The following KCTD1 variants were observed in gnomAD, a reference collection of about 807,000 sequenced individuals.
The protein encoded by KCTD1 is BTB/POZ domain-containing protein KCTD1.
KCTD1 carries 24 observed loss-of-function variants against 66.0 expected under a neutral mutation model. The observed-to-expected ratio is 0.36, with a 90% confidence interval of 0.26 to 0.51. The LOEUF (loss-of-function observed/expected upper bound fraction) is 0.51, where lower values mean the gene tolerates loss of function less well. KCTD1 is among the 20% of genes least tolerant of loss of function. KCTD1 has a pLI of 0.95. For missense variants in KCTD1, 943 were observed against 1,205.2 expected, an observed-to-expected ratio of 0.78 and a Z score of 3.22; for synonymous variants, 511 against 517.2, an observed-to-expected ratio of 0.99 and a Z score of 0.16.
intron 1 of KCTD1, among the ~76,000 whole-genome samples, chr18:26,557,014 C>T (rs1437353701): frequency 6.6e-6 from 1 of 152,168 alleles, no homozygotes; most frequent in African/African-American, 2.4e-5. Flanking sequence ...TGCTAAGAGA[C>T]AGGAAGGAAA....
Position 26,657,203 on chromosome 18 carries a change from A to T in KCTD1, c.9+157T>A, listed in dbSNP as rs1988175426. 6.6e-5 allele frequency among the ~76,000 whole-genome samples: 10 copies of T among 150,946 alleles called. No homozygotes were observed. In the South Asian group the frequency reaches 2.1e-3, roughly 32 times the overall value. On this transcript the variant is annotated intron_variant, in intron 1 of 4. Transcript: ENST00000580191. ...CGGCCCCTGCCCCGCCGCGGGTCCA[A>T]GCGGATTCCTAGTCGCCCGCCGCGG... is the stretch of plus-strand genomic sequence containing the variant.
intron 1 of KCTD1, among the ~76,000 whole-genome samples, chr18:26,517,699 A>C (rs1983725453): frequency 6.8e-6 from 1 of 147,098 alleles, no homozygotes. Flanking sequence ...GTTTCCCTGC[A>C]CAAGCTATCC....
rs141699243 is a variant in KCTD1, at chr18:26,611,332, TTTTGTTTGTTTG to T, written c.-16+17803_-16+17814del. Among the ~76,000 whole-genome samples, 470 of 150,570 alleles carry T rather than the reference TTTTGTTTGTTTG, an allele frequency of 3.1e-3. 2 individuals carry two copies. Among genetic ancestry groups the T allele is most frequent in the African/African-American group, 0.011 (445 of 40,874 alleles). ...ATGGAATACAATTATAGTAACTGGG[TTTTGTTTGTTTG>T]TTTGTTTGTTTGTTTGTTTGTTTTG... On this transcript the variant is annotated intron_variant, in intron 1 of 4. Coordinates refer to the KCTD1 transcript ENST00000317932.
chr18:26,582,806 T>TG (rs1986385536), intron 1 of KCTD1, among the ~76,000 whole-genome samples: 1 of 86,236 alleles, frequency 1.2e-5, no homozygotes, highest in African/African-American at 4.1e-5. Flanking sequence ...CACCATTTGG[T>TG]TTTTTTTTTT....
chr18:26,640,601 T>G (rs1987814871), upstream of KCTD1, among the ~76,000 whole-genome samples: 1 of 151,688 alleles, frequency 6.6e-6, no homozygotes, highest in African/African-American at 2.4e-5. Flanking sequence ...CCAGGAGGGA[T>G]TGAGGGAAAG....
chr18:26,549,673 C>T, upstream of KCTD1: 3 of 974,160 alleles, frequency 3.1e-6, no homozygotes, highest in Non-Finnish European at 3.7e-6. Context: ...ACTTGTGTCT[C>T]GGCCGACCCT....
At chr18:26,605,427 T>C in intron 1 of KCTD1, among the ~76,000 whole-genome samples, 1 of 152,200 alleles carries the variant, frequency 6.6e-6, no homozygotes, top group Non-Finnish European at 1.5e-5. Context: ...GTACTGTAGC[T>C]TCTTAACTGT....
chr18:26,602,080 G>T (rs1490847899), intron 1 of KCTD1, among the ~76,000 whole-genome samples: 1 of 152,150 alleles, frequency 6.6e-6, no homozygotes, highest in Non-Finnish European at 1.5e-5. Context: ...GACTTTAGGG[G>T]AAATGGCTAG....
intron 1 of KCTD1, among the ~76,000 whole-genome samples, chr18:26,514,887 T>A (rs1416899725): frequency 6.6e-6 from 1 of 152,226 alleles, no homozygotes; most frequent in Non-Finnish European, 1.5e-5. Flanking sequence ...GGATAGTGGT[T>A]GATGAAACTT....
upstream of KCTD1, among the ~76,000 whole-genome samples, chr18:26,550,479 G>A (rs574016646): frequency 6.6e-5 from 10 of 152,018 alleles, no homozygotes; most frequent in East Asian, 1.2e-3. This position sits in a 1 kb window ranked among gnomAD's most constrained non-coding sequence, Gnocchi z 5.4. Context: ...GAGCTTCGGG[G>A]AAACCGCGCC....
intron 1 of KCTD1, among the ~76,000 whole-genome samples, chr18:26,651,705 G>A (rs1333250143): frequency 2.7e-5 from 4 of 149,844 alleles, no homozygotes; most frequent in Non-Finnish European, 4.4e-5. Context: ...AATCGCTTGA[G>A]CCTAGGAGGG....
chr18:26,535,027 CA>C (rs1417375606), intron 1 of KCTD1, among the ~76,000 whole-genome samples: 13 of 147,204 alleles, frequency 8.8e-5, no homozygotes, highest in Admixed American at 4.3e-4. Flanking sequence ...GACTCCAAGA[CA>C]GCAGAATCTT....
intron 1 of KCTD1, among the ~76,000 whole-genome samples, chr18:26,593,748 C>T (rs1380380538): frequency 2.2e-4 from 17 of 78,088 alleles, no homozygotes; most frequent in South Asian, 4.1e-4. Flanking sequence ...AGGAGGAAGA[C>T]AAGGGGCAGG....
intron 1 of KCTD1, among the ~76,000 whole-genome samples, chr18:26,656,315 G>GCCGCCC (rs1988138188): frequency 1.3e-5 from 2 of 152,310 alleles, no homozygotes; most frequent in Admixed American, 6.5e-5. Flanking sequence ...CCGTCCCAGC[G>GCCGCCC]CCGCCCCCAC....
intron 3 of KCTD1, among the ~76,000 whole-genome samples, chr18:26,466,420 A>C (rs1221857238): frequency 1.3e-5 from 2 of 152,098 alleles, no homozygotes; most frequent in Non-Finnish European, 2.9e-5. Flanking sequence ...ACTCCCTTTA[A>C]CTTTTCCTTA....
chr18:26,480,795 T>G (rs1981606165), intron 2 of KCTD1, among the ~76,000 whole-genome samples: 1 of 152,114 alleles, frequency 6.6e-6, no homozygotes, highest in Non-Finnish European at 1.5e-5. Context: ...CTCTGTTGAT[T>G]ACTCTTGTTT....
At chr18:26,564,225 G>A (rs1456544780) in intron 1 of KCTD1, among the ~76,000 whole-genome samples, 1 of 152,148 alleles carries the variant, frequency 6.6e-6, no homozygotes, top group Non-Finnish European at 1.5e-5. Flanking sequence ...GAGCCAGATA[G>A]CCTCACTGAG....
At chr18:26,470,697 C>T (rs1030754190) in intron 3 of KCTD1, among the ~76,000 whole-genome samples, 6 of 152,234 alleles carry the variant, frequency 3.9e-5, no homozygotes, top group South Asian at 2.1e-4. Context: ...CTCACAGCTG[C>T]GCAGATGGTG....
chr18:26,459,850 G>T lies in KCTD1; in HGVS notation c.2209C>A (p.Gln737Lys), dbSNP rs763052878. The T allele has an allele frequency of 6.2e-6, 10 of 1,613,672 alleles. No individual in the cohort carries two copies. The East Asian group carries it at 2.2e-4, about 36-fold the overall frequency. ...PMLLEMERWK[Q>K]DRETGRFSRP... is the part of the protein sequence containing the mutation. ...GAAAATCGACCAGTTTCTCTGTCCTGCTTCCATCTTTCCATCTCCAACAAC... is the reference window on the plus strand; with the variant it reads ...GAAAATCGACCAGTTTCTCTGTCCTTCTTCCATCTTTCCATCTCCAACAAC... The change falls in exon 4 of 5, where the codon CAG (glutamine) becomes AAG (lysine). Residue 737 changes from glutamine to lysine, a missense_variant. Gln to Lys is a moderately conservative substitution (Grantham distance 53). Transcript: ENST00000580059.
Sources: allele counts gnomAD v4.1 joint callset (sites outside exome capture counted in the v4.1 genomes callset), GRCh38; gene constraint gnomAD v4.1.1; non-coding constraint Gnocchi (gnomAD v3.1); transcripts MANE v1.5; gene names NCBI Gene and HGNC (gene_info 2026-07-23, HGNC 2026-07-21).